ADAMTS17: variants seen among roughly 807,000 people sequenced by gnomAD.
ADAMTS17 encodes A disintegrin and metalloproteinase with thrombospondin motifs 17.
ADAMTS17 carries 113 observed loss-of-function variants against 141.5 expected under a neutral mutation model. The observed-to-expected ratio is 0.80, with a 90% CI of 0.69 to 0.93. ADAMTS17 has a LOEUF of 0.93. ADAMTS17 is among the 40% of genes least tolerant of loss of function. The pLI, the probability that ADAMTS17 is intolerant of heterozygous loss-of-function variation, is 0.00. For missense variants in ADAMTS17, 1,659 were observed against 1,517.9 expected (o/e 1.09, Z -1.54); for synonymous variants, 768 against 630.6 (o/e 1.22, Z -3.27).
chr15:100,181,711 C>A lies in ADAMTS17; in HGVS notation c.1181+17607G>T, dbSNP rs1480953. Among the ~76,000 whole-genome samples, 13 of 152,236 alleles carry A rather than the reference C, an allele frequency of 8.5e-5. No individual in the cohort carries two copies. In the East Asian group the frequency reaches 2.5e-3, roughly 29 times the overall value. ...AAGATGCAAGACAATGTTCTCTTTACGCTTCCCTCTTCTCTCCTGAAGGAG... is the reference window on the plus strand; with the variant it reads ...AAGATGCAAGACAATGTTCTCTTTAAGCTTCCCTCTTCTCTCCTGAAGGAG... On this transcript the variant is annotated intron_variant, in intron 8 of 21. Coordinates refer to ENST00000268070, the MANE Select transcript of ADAMTS17 (RefSeq NM_139057.4).
chr15:100,274,639 T>C lies in ADAMTS17; in HGVS notation c.789+6590A>G, dbSNP rs538073397. Among the ~76,000 whole-genome samples, 5 of 152,354 alleles carry C rather than the reference T, an allele frequency of 3.3e-5. No homozygotes were observed. The South Asian group carries it at 1.0e-3, about 32-fold the overall frequency. ...TTCATTCTGCCATCAATTTCTGTCT[T>C]TGATTGAAGTTTAATTAATTTACAC... On this transcript the variant is annotated intron_variant, in intron 4 of 21. Coordinates refer to ENST00000268070, the MANE Select transcript of ADAMTS17 (RefSeq NM_139057.4).
chr15:100,141,911 G>A (rs1219455113), intron 10 of ADAMTS17, among the ~76,000 whole-genome samples: 1 of 152,206 alleles, frequency 6.6e-6, no homozygotes, highest in Non-Finnish European at 1.5e-5. Context: ...GCAAGTCCAC[G>A]CACTACCGTA....
intron 8 of ADAMTS17, among the ~76,000 whole-genome samples, chr15:100,161,713 G>C (rs542606945): frequency 1.8e-4 from 28 of 152,292 alleles, no homozygotes; most frequent in Admixed American, 4.6e-4. Context: ...TGTGCCCCCA[G>C]TCTTGAGCTA....
intron 13 of ADAMTS17, among the ~76,000 whole-genome samples, chr15:100,110,768 G>A (rs2036725775): frequency 6.6e-6 from 1 of 152,054 alleles, no homozygotes. Context: ...CTCCTCAGTG[G>A]GTCCTTCTGG....
chr15:100,250,506 A>C (rs1031610375), intron 7 of ADAMTS17, among the ~76,000 whole-genome samples: 1 of 152,192 alleles, frequency 6.6e-6, no homozygotes, highest in African/African-American at 2.4e-5. Flanking sequence ...GAAAATCATA[A>C]AGATGGAATA....
rs576860958 is a variant in ADAMTS17, at chr15:100,287,624, G to C, written c.617-6223C>G. ...TGACATAAAATAAAGAATATTAAAG[G>C]CAACTAGGGAGAAGAGGTAGGTCAC... On this transcript the variant is annotated intron_variant, in intron 3 of 21. Coordinates refer to ENST00000268070, the MANE Select transcript of ADAMTS17 (RefSeq NM_139057.4). Among the ~76,000 whole-genome samples the C allele has an allele frequency of 5.3e-5, 8 of 152,270 alleles. No individual in the cohort carries two copies. In the East Asian group the frequency reaches 1.4e-3, roughly 26 times the overall value.
At chr15:100,159,226 C>T (rs762138410) in intron 8 of ADAMTS17, among the ~76,000 whole-genome samples, 2 of 152,180 alleles carry the variant, frequency 1.3e-5, no homozygotes, top group Non-Finnish European at 2.9e-5. Flanking sequence ...ACCTAAACAG[C>T]CACTGATAGA....
chr15:100,296,571 G>A (rs1230476817), intron 3 of ADAMTS17, among the ~76,000 whole-genome samples: 1 of 114,618 alleles, frequency 8.7e-6, no homozygotes, highest in African/African-American at 4.0e-5. Flanking sequence ...TTTGGAGGGG[G>A]TGAGGGGGGG....
At chr15:100,202,792 T>C (rs1352018328) in intron 7 of ADAMTS17, among the ~76,000 whole-genome samples, 1 of 152,222 alleles carries the variant, frequency 6.6e-6, no homozygotes. Context: ...ACCAGTTTTC[T>C]CTGTATTGAT....
intron 14 of ADAMTS17, among the ~76,000 whole-genome samples, chr15:100,100,300 C>T (rs559117919): frequency 3.3e-5 from 5 of 152,244 alleles, no homozygotes; most frequent in African/African-American, 2.4e-5. Context: ...GTAGCTCCCC[C>T]GGGGCTCCCT....
chr15:100,302,325 A>G lies in ADAMTS17; in HGVS notation c.617-20924T>C, dbSNP rs532481760. On this transcript the variant is annotated intron_variant, in intron 3 of 21. Transcript: ENST00000268070. ...TAATTCGCAAATTGACAGTCATTTG[A>G]GTTGTTTCCACTTTGAAGCTATTAT... Among the ~76,000 whole-genome samples, 166 of 152,280 alleles carry G rather than the reference A, an allele frequency of 1.1e-3. 4 individuals are homozygous for G. The South Asian group carries it at 0.034, about 31-fold the overall frequency.
chr15:100,103,825 C>T (rs1276405179), intron 14 of ADAMTS17, among the ~76,000 whole-genome samples: 2 of 152,194 alleles, frequency 1.3e-5, no homozygotes, highest in Non-Finnish European at 2.9e-5. Flanking sequence ...ATCCACCTAC[C>T]TTGGCCTCTC....
At position 99,971,747 on chromosome 15, in the gene ADAMTS17, A is replaced by AAAT. The variant is rs1270148934; in HGVS notation, c.*2652_*2654dup. The AAAT allele has an allele frequency of 2.0e-5, 3 of 152,228 alleles. No homozygotes were observed. Among genetic ancestry groups the AAAT allele is most frequent in the South Asian group, 2.1e-4 (1 of 4,830 alleles). The allele number at this position is 152,228 out of a possible 1,614,324, so 9.4% of individuals were successfully genotyped here. ...AGAGGGTTTAATTTTGCACCAATAA[A>AAAT]AATAGCACCGTAGGGTCGTGAGACT... On this transcript the variant is annotated 3_prime_UTR_variant, in exon 22 of 22. Transcript: ENST00000268070.
At position 100,313,351 on chromosome 15, in the gene ADAMTS17, T is replaced by C. The variant is rs561718092; in HGVS notation, c.616+17538A>G. On this transcript the variant is annotated intron_variant, in intron 3 of 21. Coordinates refer to ENST00000268070, the MANE Select transcript of ADAMTS17 (RefSeq NM_139057.4). ...AACCAAATGAGATTTATTCCAGAAT[T>C]TAAGGTTGTCATAACATTAGAAAAC... is the stretch of plus-strand genomic sequence containing the variant. Among the ~76,000 whole-genome samples the C allele has an allele frequency of 6.6e-5, 10 of 152,320 alleles. No individual in the cohort carries two copies. In the East Asian group the frequency reaches 1.9e-3, roughly 29 times the overall value.
intron 7 of ADAMTS17, among the ~76,000 whole-genome samples, chr15:100,229,315 C>G (rs1458089867): frequency 6.7e-6 from 1 of 149,520 alleles, no homozygotes; most frequent in East Asian, 2.0e-4. Flanking sequence ...TGACCATTGA[C>G]TGGACTCCCA....
intron 3 of ADAMTS17, among the ~76,000 whole-genome samples, chr15:100,324,119 A>C (rs2045824282): frequency 6.6e-6 from 1 of 152,012 alleles, no homozygotes; most frequent in South Asian, 2.1e-4. Context: ...ACCCTGGCCA[A>C]CATGGCGAAA....
At chr15:100,295,053 C>G (rs567877444) in intron 3 of ADAMTS17, among the ~76,000 whole-genome samples, 1 of 152,112 alleles carries the variant, frequency 6.6e-6, no homozygotes, top group African/African-American at 2.4e-5. Flanking sequence ...ACCACAATTG[C>G]AGCATGAAAA....
intron 8 of ADAMTS17, among the ~76,000 whole-genome samples, chr15:100,174,533 C>T (rs986530665): frequency 3.3e-5 from 5 of 152,236 alleles, no homozygotes; most frequent in Middle Eastern, 3.4e-3. Flanking sequence ...ACTAGTATTT[C>T]GTTTACTTTT....
In ADAMTS17 at chr15:100,195,427, C is replaced by T. The variant is rs969700532; in HGVS notation, c.1181+3891G>A. Among the ~76,000 whole-genome samples, 8 of 152,202 alleles carry T rather than the reference C, an allele frequency of 5.3e-5. No individual in the cohort carries two copies. The East Asian group carries it at 1.4e-3, about 26-fold the overall frequency. On this transcript the variant is annotated intron_variant, in intron 8 of 21. Coordinates refer to ENST00000268070, the MANE Select transcript of ADAMTS17 (RefSeq NM_139057.4). Reference sequence around the variant, plus strand: ...AGAGGCAGGATCTGTGAGAAGGCCCCGGGCAAGAAGCTTTTAAAATCTCAG... The same window carrying T: ...AGAGGCAGGATCTGTGAGAAGGCCCTGGGCAAGAAGCTTTTAAAATCTCAG...
Sources: allele counts gnomAD v4.1 joint callset (sites outside exome capture counted in the v4.1 genomes callset), GRCh38; gene constraint gnomAD v4.1.1; transcripts MANE v1.5; gene names NCBI Gene and HGNC (gene_info 2026-07-23, HGNC 2026-07-21).